The following LINC00305 variants were observed in gnomAD, a reference collection of about 807,000 sequenced individuals.
LINC00305 encodes the protein long independently transcribed non-coding RNA 305.
intron 1 of LINC00305, among the ~76,000 whole-genome samples, chr18:64,123,297 G>A (rs2051370219): frequency 6.6e-6 from 1 of 151,950 alleles, no homozygotes; most frequent in African/African-American, 2.4e-5. Flanking sequence ...TTTTCATCTG[G>A]ATTGTAGTCA....
intron 1 of LINC00305, among the ~76,000 whole-genome samples, chr18:64,099,479 G>A (rs534027274): frequency 5.9e-5 from 9 of 152,160 alleles, no homozygotes; most frequent in Non-Finnish European, 1.2e-4. Context: ...CTGAGGCAGG[G>A]TTGGACCCAG....
At chr18:64,110,887 A>G (rs1164593574) in intron 1 of LINC00305, among the ~76,000 whole-genome samples, 1 of 152,202 alleles carries the variant, frequency 6.6e-6, no homozygotes, top group Non-Finnish European at 1.5e-5. Context: ...GGATGGACGC[A>G]CTGCTAATGA....
rs181247987 is a variant in LINC00305 at position 64,085,263 on chromosome 18, T to C, written n.541-4861A>G. On this transcript the variant is annotated intron_variant and non_coding_transcript_variant, in intron 3 of 3. Coordinates refer to ENST00000666468, the Ensembl canonical transcript of LINC00305. ...CCTATTCCTATTCCTATTCCTATTCTTATGTACCTGCTTGAATCCTACTCA... is the reference window on the plus strand; with the variant it reads ...CCTATTCCTATTCCTATTCCTATTCCTATGTACCTGCTTGAATCCTACTCA... Among the ~76,000 whole-genome samples the C allele has an allele frequency of 1.7e-4, 26 of 152,304 alleles. No individual in the cohort carries two copies. In the East Asian group the frequency reaches 5.0e-3, roughly 29 times the overall value.
chr18:64,134,957 G>C (rs546963232), intron 1 of LINC00305, among the ~76,000 whole-genome samples: 71 of 152,276 alleles, frequency 4.7e-4, no homozygotes, highest in African/African-American at 1.7e-3. Context: ...TGCTTGAGCT[G>C]CTGTAATAAA....
At chr18:64,136,445 A>C (rs1040728791) in intron 1 of LINC00305, among the ~76,000 whole-genome samples, 3 of 152,164 alleles carry the variant, frequency 2.0e-5, no homozygotes, top group African/African-American at 7.2e-5. Context: ...AGAAGAGAGA[A>C]TGAGAGTGGA....
chr18:64,093,685 G>A (rs1007802455), intron 3 of LINC00305, among the ~76,000 whole-genome samples: 3 of 152,188 alleles, frequency 2.0e-5, no homozygotes, highest in Non-Finnish European at 4.4e-5. Flanking sequence ...TAGCCATGGG[G>A]AAAAGTGACT....
chr18:64,144,442 T>C (rs1599234750), intron 1 of LINC00305, among the ~76,000 whole-genome samples: 1 of 152,210 alleles, frequency 6.6e-6, no homozygotes, highest in African/African-American at 2.4e-5. Context: ...GCAGTGTTAC[T>C]GAAACCTTAT....
chr18:64,134,203 C>A lies in LINC00305; in HGVS notation n.314+14572G>T, dbSNP rs1044247720. On this transcript the variant is annotated intron_variant and non_coding_transcript_variant, in intron 1 of 3. Transcript: ENST00000666468. ...CAAGGTAAATTCGTCACTTTTAGGG[C>A]ATTCATATATGGAAACCCTGGCAAA... Among the ~76,000 whole-genome samples the A allele has an allele frequency of 2.0e-5, 3 of 152,098 alleles. No homozygotes were observed. The South Asian group carries it at 6.2e-4, about 31-fold the overall frequency.
intron 3 of LINC00305, among the ~76,000 whole-genome samples, chr18:64,089,971 A>G (rs2144894712): frequency 6.6e-6 from 1 of 152,322 alleles, no homozygotes. Flanking sequence ...GACACAGCCA[A>G]ACCATATCAG....
In LINC00305 at chr18:64,084,379, C is replaced by T. The variant is rs1424449175; in HGVS notation, n.541-3977G>A. ...GACAAAATAGTTTGTACAACAAACC[C>T]CCGTGACACAAGTTTACCTAGGTAA... On this transcript the variant is annotated intron_variant and non_coding_transcript_variant, in intron 3 of 3. Coordinates refer to ENST00000666468, the Ensembl canonical transcript of LINC00305. Among the ~76,000 whole-genome samples, 3 of 151,864 alleles carry T rather than the reference C, an allele frequency of 2.0e-5. No homozygotes were observed. In the East Asian group the frequency reaches 5.8e-4, roughly 29 times the overall value.
chr18:64,133,601 C>T (rs2051419581), intron 1 of LINC00305, among the ~76,000 whole-genome samples: 1 of 152,174 alleles, frequency 6.6e-6, no homozygotes, highest in Non-Finnish European at 1.5e-5. Flanking sequence ...CAACCACAGA[C>T]ATGGAGTGTC....
chr18:64,131,787 G>A (rs189115915), intron 1 of LINC00305, among the ~76,000 whole-genome samples: 1 of 152,202 alleles, frequency 6.6e-6, no homozygotes, highest in Non-Finnish European at 1.5e-5. Context: ...CCGAGAACAA[G>A]TCTCCTGTAG....
rs1568120323 is a variant in LINC00305 at position 64,143,758 on chromosome 18, T to TCC, written n.314+5016_314+5017insGG. On this transcript the variant is annotated intron_variant and non_coding_transcript_variant, in intron 1 of 3. Transcript: ENST00000666468. ...TCCACATATTATGCGTACATGTATG[T>TCC]ACACATATTATGCGTACATGTATGT... is the stretch of plus-strand genomic sequence containing the variant. Among the ~76,000 whole-genome samples, 119 of 71,294 alleles carry TCC rather than the reference T, an allele frequency of 1.7e-3. 21 individuals are homozygous for TCC. The highest frequency in any genetic ancestry group is 2.1e-3 in the Non-Finnish European group (70 of 33,330). The allele number at this position is 71,294 out of a possible 152,430, so 46.8% of individuals were successfully genotyped here.
intron 1 of LINC00305, among the ~76,000 whole-genome samples, chr18:64,112,767 C>A (rs2051320785): frequency 6.6e-6 from 1 of 152,174 alleles, no homozygotes; most frequent in South Asian, 2.1e-4. Context: ...AGAATCTTTT[C>A]TATTTTACTT....
chr18:64,139,885 G>A (rs565850653), intron 1 of LINC00305, among the ~76,000 whole-genome samples: 5 of 152,050 alleles, frequency 3.3e-5, no homozygotes, highest in East Asian at 1.9e-4. Context: ...ATAGCAACCC[G>A]TCTTACTCAG....
chr18:64,141,965 T>C (rs914347886), intron 1 of LINC00305, among the ~76,000 whole-genome samples: 1 of 152,236 alleles, frequency 6.6e-6, no homozygotes, highest in African/African-American at 2.4e-5. Flanking sequence ...TCACAGTTTC[T>C]AAGCTAAAAT....
chr18:64,104,967 C>A (rs1278587966), intron 1 of LINC00305, among the ~76,000 whole-genome samples: 2 of 151,988 alleles, frequency 1.3e-5, no homozygotes, highest in Non-Finnish European at 2.9e-5. Flanking sequence ...TCTCCCCCTG[C>A]TTCTCCAGCA....
chr18:64,113,290 A>C (rs969294231), intron 1 of LINC00305, among the ~76,000 whole-genome samples: 1 of 152,258 alleles, frequency 6.6e-6, no homozygotes, highest in Non-Finnish European at 1.5e-5. Flanking sequence ...TTTAAAATAA[A>C]AACCTAGCAG....
chr18:64,124,784 A>T (rs952085161), intron 1 of LINC00305, among the ~76,000 whole-genome samples: 2 of 152,078 alleles, frequency 1.3e-5, no homozygotes, highest in African/African-American at 4.8e-5. Context: ...TACCTTTGTG[A>T]GGTGGTTGTC....
Sources: allele counts gnomAD v4.1 joint callset (sites outside exome capture counted in the v4.1 genomes callset), GRCh38; gene constraint gnomAD v4.1.1; transcripts MANE v1.5; gene names NCBI Gene and HGNC (gene_info 2026-07-23, HGNC 2026-07-21).